The following LOXHD1 variants were observed in gnomAD, a reference collection of about 807,000 sequenced individuals.
LOXHD1 encodes lipoxygenase homology PLAT domains 1, also known as lipoxygenase homology domain-containing protein 1.
In LOXHD1, 205 loss-of-function variants were observed where a neutral mutation model predicts 248.2. The ratio of observed to expected loss-of-function variants is 0.83; its 90% CI spans 0.74 to 0.93. The LOEUF (loss-of-function observed/expected upper bound fraction) is 0.93. LOXHD1 is among the 40% of genes least tolerant of loss of function. The pLI is 0.00. For synonymous variants in LOXHD1, 1,113 were observed against 1,162.8 expected, an observed-to-expected ratio of 0.96 and a Z score of 0.87; for missense variants, 2,930 against 2,971.6, an observed-to-expected ratio of 0.99 and a Z score of 0.33.
Position 46,541,927 on chromosome 18 carries a change from G to T in LOXHD1, c.3762C>A (p.Gly1254=), listed in dbSNP as rs562829472. 6.4e-7 allele frequency: 1 copy of T among 1,551,416 alleles called. No homozygotes were observed. The highest frequency in any genetic ancestry group is 8.7e-7 in the Non-Finnish European group (1 of 1,146,834). ...LGHDNTGKAP[G]WFVDWVEVDA... ...CCACCTCTACCCAGTCTACAAACCAGCCTGGGGCCTTGCCTAGAGAGAGAG... is the reference window on the plus strand; with the variant it reads ...CCACCTCTACCCAGTCTACAAACCATCCTGGGGCCTTGCCTAGAGAGAGAG... Residue 1254 remains glycine (G), a synonymous_variant, in exon 25 of 41, where the codon GGC becomes GGA. Transcript: ENST00000642948.
intron 2 of LOXHD1, among the ~76,000 whole-genome samples, chr18:46,645,193 T>G (rs1049386968): frequency 4.6e-5 from 7 of 152,150 alleles, no homozygotes; most frequent in African/African-American, 1.7e-4. Context: ...TTCAGAAAAC[T>G]GGGGGTAGGA....
At chr18:46,550,129 A>C (rs1367708919) in intron 21 of LOXHD1, among the ~76,000 whole-genome samples, 1 of 152,250 alleles carries the variant, frequency 6.6e-6, no homozygotes, top group Non-Finnish European at 1.5e-5. Flanking sequence ...CCCTAATTAA[A>C]GACAACGTAC....
intron 1 of LOXHD1, among the ~76,000 whole-genome samples, chr18:46,654,045 C>A (rs2039147290): frequency 6.6e-6 from 1 of 152,124 alleles, no homozygotes; most frequent in African/African-American, 2.4e-5. Context: ...AGGGGTGGGG[C>A]CTTTAAGAGG....
chr18:46,540,365 T>C lies in LOXHD1; in HGVS notation c.3913+1411A>G, dbSNP rs146091970. ...AATGGCTTGAAAAGGCCCTCACCTA[T>C]AGGTTGAAGGGAAACAGCCTCGACC... On this transcript the variant is annotated intron_variant, in intron 25 of 40. Coordinates refer to ENST00000642948, the MANE Select transcript of LOXHD1 (RefSeq NM_001384474.1). Among the ~76,000 whole-genome samples, 14 of 152,258 alleles carry C rather than the reference T, an allele frequency of 9.2e-5. No individual in the cohort carries two copies. In the East Asian group the frequency reaches 2.5e-3, roughly 27 times the overall value.
At chr18:46,593,548 C>T in intron 10 of LOXHD1, 52 bp downstream of exon 10, 1 of 1,537,830 alleles carries the variant, frequency 6.5e-7, no homozygotes, top group Non-Finnish European at 8.8e-7. Flanking sequence ...AGGACGAATG[C>T]CCTACATCCC....
intron 4 of LOXHD1, among the ~76,000 whole-genome samples, chr18:46,622,849 C>T (rs1031166023): frequency 3.3e-5 from 5 of 152,172 alleles, no homozygotes; most frequent in African/African-American, 4.8e-5. Context: ...AGGGCAGCAC[C>T]GCTTCTGCAA....
chr18:46,582,003 GAATT>G (rs1451536562), intron 12 of LOXHD1, among the ~76,000 whole-genome samples: 1 of 152,058 alleles, frequency 6.6e-6, no homozygotes, highest in Non-Finnish European at 1.5e-5. Flanking sequence ...AATACTACAA[GAATT>G]AATCACTAGC....
chr18:46,541,804 T>C lies in LOXHD1; in HGVS notation c.3885A>G (p.Ala1295=), dbSNP rs2036571320. The change falls in exon 25 of 41, where the codon GCA becomes GCG. Residue 1295 remains alanine, a synonymous_variant. Coordinates refer to ENST00000642948, the MANE Select transcript of LOXHD1 (RefSeq NM_001384474.1). ...GTGTGTACAGCCTCGTCTGAAGCTC[T>C]GCATGGAAGAGGTCTCTGATGATGG... ...DGSIIRDLFH[A]ELQTRLYTPF... The C allele has an allele frequency of 6.4e-7, 1 of 1,551,614 alleles. No individual in the cohort carries two copies. The highest frequency in any genetic ancestry group is 8.7e-7 in the Non-Finnish European group (1 of 1,147,008).
intron 1 of LOXHD1, among the ~76,000 whole-genome samples, chr18:46,652,244 G>T (rs376831139): frequency 6.6e-6 from 1 of 152,118 alleles, no homozygotes; most frequent in African/African-American, 2.4e-5. Context: ...GGACTGACTG[G>T]GAAGGAACAC....
chr18:46,480,688 T>C (rs549503869), intron 40 of LOXHD1, among the ~76,000 whole-genome samples: 2 of 151,998 alleles, frequency 1.3e-5, no homozygotes, highest in Admixed American at 1.3e-4. Flanking sequence ...CAGAGAAAAA[T>C]GAGCAGAAAA....
intron 21 of LOXHD1, among the ~76,000 whole-genome samples, chr18:46,548,448 G>A (rs1012578173): frequency 6.6e-6 from 1 of 152,208 alleles, no homozygotes; most frequent in Non-Finnish European, 1.5e-5. Context: ...CTCAGATGGG[G>A]TGCTGAGGGG....
At position 46,657,104 on chromosome 18, in the gene LOXHD1, A is replaced by T; in HGVS notation, c.-71T>A. On this transcript the variant is annotated 5_prime_UTR_variant, in exon 1 of 41. Coordinates refer to ENST00000642948, the MANE Select transcript of LOXHD1 (RefSeq NM_001384474.1). The stretch of plus-strand genomic sequence containing the variant: ...CTCCTCACACCTGCGGGAACCTGAG[A>T]CCTCCTCCCTGAGCTCTGGCGCCCA... The T allele has an allele frequency of 6.5e-7, 1 of 1,548,994 alleles. No individual in the cohort carries two copies. The highest frequency in any genetic ancestry group is 8.7e-7 in the Non-Finnish European group (1 of 1,145,960).
intron 37 of LOXHD1, among the ~76,000 whole-genome samples, chr18:46,495,996 C>A (rs964227929): frequency 2.6e-5 from 4 of 152,174 alleles, no homozygotes; most frequent in African/African-American, 9.7e-5. Context: ...GGCGCCGCTG[C>A]ACTCCAGCCT....
At chr18:46,653,018 G>A (rs552499683) in intron 1 of LOXHD1, among the ~76,000 whole-genome samples, 58 of 152,300 alleles carry the variant, frequency 3.8e-4, no homozygotes, top group African/African-American at 1.2e-3. Flanking sequence ...TTGGGAGGCC[G>A]AGACAGGCAG....
chr18:46,619,795 G>A (rs1248823675), intron 4 of LOXHD1, among the ~76,000 whole-genome samples: 1 of 152,208 alleles, frequency 6.6e-6, no homozygotes, highest in Non-Finnish European at 1.5e-5. Context: ...GGCAGCAGCG[G>A]TCAGTGCCTT....
At chr18:46,620,481 G>C (rs1019209158) in intron 4 of LOXHD1, among the ~76,000 whole-genome samples, 1 of 152,210 alleles carries the variant, frequency 6.6e-6, no homozygotes, top group Non-Finnish European at 1.5e-5. Flanking sequence ...TGTTGAAGGA[G>C]TCGCCAATAT....
At chr18:46,532,989 C>T (rs2036141306) in intron 28 of LOXHD1, among the ~76,000 whole-genome samples, 173 bp downstream of exon 28, 1 of 152,212 alleles carries the variant, frequency 6.6e-6, no homozygotes. Flanking sequence ...GCTGTGTGCA[C>T]TTAGGCAGAT....
intron 4 of LOXHD1, among the ~76,000 whole-genome samples, chr18:46,631,079 C>T (rs1218569689): frequency 6.6e-6 from 1 of 152,082 alleles, no homozygotes; most frequent in African/African-American, 2.4e-5. Flanking sequence ...CTACCATATG[C>T]ACACAACCTG....
Position 46,505,833 on chromosome 18 carries a change from G to A in LOXHD1, c.5878+5C>T, listed in dbSNP as rs952646525. 1.0e-5 allele frequency: 16 copies of A among 1,551,540 alleles called. No individual in the cohort carries two copies. The highest frequency in any genetic ancestry group is 1.4e-5 in the African/African-American group (1 of 73,030). On this transcript the variant is annotated splice_donor_5th_base_variant and intron_variant, in intron 37 of 40. Transcript: ENST00000642948. ...CCCACCAACCTGGCCTTGAGTGGGA[G>A]CTACCTTTGTTGTCGTGCCAGACCC... is the stretch of plus-strand genomic sequence containing the variant.
Sources: gnomAD v4.1 joint callset for allele counts (sites outside exome capture counted in the v4.1 genomes callset) on GRCh38, gnomAD v4.1.1 for gene constraint, MANE v1.5 for transcripts, NCBI Gene and HGNC (gene_info 2026-07-23, HGNC 2026-07-21) for gene names.